Variants in PPP2CB observed in about 807,000 individuals in gnomAD.
PPP2CB encodes the protein protein phosphatase 2 catalytic subunit beta.
In PPP2CB, 18 loss-of-function variants were observed where a neutral mutation model predicts 39.1. That is an observed-to-expected ratio of 0.46 (90% CI 0.32 to 0.68). The LOEUF (loss-of-function observed/expected upper bound fraction) is 0.68, where lower values mean the gene tolerates loss of function less well. Ranked by LOEUF, PPP2CB falls within the 30% of genes least tolerant of loss-of-function variation. PPP2CB has a pLI of 0.04. For synonymous variants in PPP2CB, 129 were observed against 133.8 expected (o/e 0.96, Z 0.25); for missense variants, 226 against 396.9 (o/e 0.57, Z 3.66).
chr8:30,812,567 G>A lies in PPP2CB; in HGVS notation c.-146C>T, dbSNP rs1324104491. The A allele has an allele frequency of 3.7e-5, 16 of 434,548 alleles. No homozygotes were observed. Among genetic ancestry groups the A allele is most frequent in the Non-Finnish European group, 5.5e-5 (15 of 271,808 alleles). 26.9% of individuals were successfully genotyped at this position (434,548 alleles called of 1,614,324 possible). A position where few individuals can be genotyped will look rare whatever the true frequency, so the allele number is the denominator to read the frequency against. ...TCCCACAGGGGGAGGACTGAGCCGG[G>A]TAGGGCGGCCGCGGGCCCCGCGCCC... is the stretch of plus-strand genomic sequence containing the variant. On this transcript the variant is annotated 5_prime_UTR_variant, in exon 1 of 7. Coordinates refer to ENST00000221138, the MANE Select transcript of PPP2CB (RefSeq NM_001009552.2).
chr8:30,790,408 C>T (rs1248937791), intron 6 of PPP2CB, among the ~76,000 whole-genome samples: 1 of 152,308 alleles, frequency 6.6e-6, no homozygotes, highest in South Asian at 2.1e-4. Context: ...GGAGCTATTA[C>T]AGCCCTCTTA....
intron 1 of PPP2CB, among the ~76,000 whole-genome samples, chr8:30,801,792 T>C (rs1045343324): frequency 6.6e-6 from 1 of 152,192 alleles, no homozygotes; most frequent in Admixed American, 6.5e-5. Context: ...CAATAGTTTG[T>C]ACACACACTG....
chr8:30,807,894 T>C (rs1240037732), intron 1 of PPP2CB, among the ~76,000 whole-genome samples: 1 of 152,230 alleles, frequency 6.6e-6, no homozygotes, highest in Admixed American at 6.5e-5. Flanking sequence ...TAAGAGCTAG[T>C]CTTCTCAGAA....
chr8:30,798,497 T>C (rs143758089), intron 2 of PPP2CB, among the ~76,000 whole-genome samples: 179 of 152,318 alleles, frequency 1.2e-3, no homozygotes, highest in African/African-American at 3.8e-3. Flanking sequence ...GGCAGCATTT[T>C]TGTTAACAGA....
chr8:30,796,210 C>G (rs1263070297), intron 3 of PPP2CB, among the ~76,000 whole-genome samples: 1 of 152,104 alleles, frequency 6.6e-6, no homozygotes, highest in Non-Finnish European at 1.5e-5. Context: ...TCAAATTAAT[C>G]ACGGCAGTGT....
intron 2 of PPP2CB, among the ~76,000 whole-genome samples, chr8:30,798,795 T>C (rs887420733): frequency 6.6e-6 from 1 of 152,200 alleles, no homozygotes; most frequent in Non-Finnish European, 1.5e-5. Context: ...TTCCTCATAG[T>C]AATTTAGAGC....
chr8:30,789,692 G>A lies in PPP2CB; in HGVS notation c.857+1505C>T, dbSNP rs143466657. On this transcript the variant is annotated intron_variant, in intron 6 of 6. Transcript: ENST00000221138. ...TCCTGGATCAGAGTAACTGAATGTC[G>A]TTCAGTCAATGATGAGAGGTTGTGT... 5.8e-3 allele frequency among the ~76,000 whole-genome samples: 876 copies of A among 151,878 alleles called. 10 individuals are homozygous for A. The highest frequency in any genetic ancestry group is 0.019 in the African/African-American group (802 of 41,160).
intron 5 of PPP2CB, among the ~76,000 whole-genome samples, chr8:30,791,860 A>G (rs555423456): frequency 1.3e-4 from 20 of 149,792 alleles, no homozygotes; most frequent in African/African-American, 2.9e-4. Context: ...ATACGTGTAT[A>G]TATGTATATA....
chr8:30,804,755 G>C (rs1480671769), intron 1 of PPP2CB, among the ~76,000 whole-genome samples: 1 of 152,086 alleles, frequency 6.6e-6, no homozygotes, highest in African/African-American at 2.4e-5. Flanking sequence ...GGTACATCAT[G>C]ACTAAACTTT....
chr8:30,789,111 G>A (rs1435742306), intron 6 of PPP2CB, among the ~76,000 whole-genome samples: 5 of 149,330 alleles, frequency 3.3e-5, no homozygotes, highest in Admixed American at 6.8e-5. Flanking sequence ...TGGCGTGATC[G>A]CCGCCGCCTC....
At chr8:30,786,424 T>A in intron 6 of PPP2CB, 117 bp from the exon 7 acceptor site, 1 of 795,432 alleles carries the variant, frequency 1.3e-6, no homozygotes, top group Non-Finnish European at 2.0e-6. Context: ...CATGACTACA[T>A]CACTTACGGC....
At chr8:30,791,431 C>G (rs553690715) in intron 5 of PPP2CB, 116 bp from the exon 6 acceptor site, 1 of 713,106 alleles carries the variant, frequency 1.4e-6, no homozygotes, top group East Asian at 2.8e-5. Context: ...ATGTAGTCGT[C>G]TATATTACTA....
rs1278876182 is a variant in PPP2CB at position 30,799,526 on chromosome 8, T to A, written c.312+20A>T. 1.0e-5 allele frequency: 16 copies of A among 1,578,934 alleles called. No individual in the cohort carries two copies. Among genetic ancestry groups the A allele is most frequent in the Middle Eastern group, 1.7e-4 (1 of 5,918 alleles). ...CCTGGTTTAAATCTTGAAAAAAAAA[T>A]TGAATTTCAATAATCATACCTTTAA... is the stretch of plus-strand genomic sequence containing the variant. On this transcript the variant is annotated intron_variant, in intron 2 of 6. Coordinates refer to ENST00000221138, the MANE Select transcript of PPP2CB (RefSeq NM_001009552.2).
chr8:30,802,875 G>C (rs1003604104), intron 1 of PPP2CB, among the ~76,000 whole-genome samples: 25 of 152,140 alleles, frequency 1.6e-4, no homozygotes, highest in Non-Finnish European at 3.5e-4. Flanking sequence ...CATAACCCTG[G>C]AAATGAAATT....
At chr8:30,791,604 A>C (rs1168214268) in intron 5 of PPP2CB, 1 of 206,470 alleles carries the variant, frequency 4.8e-6, no homozygotes, top group Non-Finnish European at 9.5e-6. Context: ...AATCATAATT[A>C]ATTTCTCAAT....
At chr8:30,788,255 GT>G (rs796884895) in intron 6 of PPP2CB, among the ~76,000 whole-genome samples, 25 of 141,164 alleles carry the variant, frequency 1.8e-4, no homozygotes, top group East Asian at 2.0e-4. Flanking sequence ...AAATCTTCTT[GT>G]TTTTTTTTTT....
intron 1 of PPP2CB, among the ~76,000 whole-genome samples, chr8:30,800,005 A>G (rs984283031): frequency 6.6e-6 from 1 of 152,222 alleles, no homozygotes; most frequent in Non-Finnish European, 1.5e-5. Flanking sequence ...GCTGCTGTGG[A>G]AAACTGTCTG....
At chr8:30,793,215 C>T (rs901712744) in intron 5 of PPP2CB, 2 of 152,180 alleles carry the variant, frequency 1.3e-5, no homozygotes, top group African/African-American at 4.8e-5. Flanking sequence ...AAACATCAGG[C>T]AAACCCCAAC....
chr8:30,789,320 G>A (rs566923235), intron 6 of PPP2CB, among the ~76,000 whole-genome samples: 9 of 152,270 alleles, frequency 5.9e-5, no homozygotes, highest in East Asian at 1.9e-4. Context: ...ATGAGCCACC[G>A]TGCCTGACCG....
Sources: allele counts gnomAD v4.1 joint callset (sites outside exome capture counted in the v4.1 genomes callset), GRCh38; gene constraint gnomAD v4.1.1; transcripts MANE v1.5; gene names NCBI Gene and HGNC (gene_info 2026-07-23, HGNC 2026-07-21).